The following PDE1A variants were observed in gnomAD, a reference collection of about 807,000 sequenced individuals.
The protein encoded by PDE1A is dual specificity calcium/calmodulin-dependent 3',5'-cyclic nucleotide phosphodiesterase 1A.
Under a neutral mutation model 61.7 loss-of-function variants are expected in PDE1A, and 35 were observed. The ratio of observed to expected loss-of-function variants is 0.57; its 90% CI spans 0.43 to 0.75. PDE1A has a LOEUF of 0.75. Ranked by LOEUF, PDE1A falls within the 30% of genes least tolerant of loss-of-function variation. The pLI is 0.00. For missense variants in PDE1A, 597 were observed against 630.6 expected (o/e 0.95, Z 0.57); for synonymous variants, 232 against 213.2 (o/e 1.09, Z -0.77).
chr2:182,603,062 T>C, the PDE1A span, among the ~76,000 whole-genome samples: 7 of 151,572 alleles, frequency 4.6e-5, no homozygotes, highest in African/African-American at 1.2e-4. Context: ...GAAGCTGATA[T>C]ACACTCTCTC....
the PDE1A span, among the ~76,000 whole-genome samples, chr2:182,633,824 C>A: frequency 1.3e-5 from 2 of 152,094 alleles, no homozygotes; most frequent in African/African-American, 4.8e-5. Context: ...TGGCTCATGA[C>A]AGTAATCCCA....
chr2:182,159,838 A>G (rs1331522645), intron 13 of PDE1A, among the ~76,000 whole-genome samples: 1 of 152,166 alleles, frequency 6.6e-6, no homozygotes, highest in African/African-American at 2.4e-5. Context: ...CTGTAGTCCT[A>G]GCTATTCAGG....
chr2:182,234,582 A>T, intron 3 of PDE1A, 84 bp from the exon 4 acceptor site: 1 of 867,292 alleles, frequency 1.2e-6, no homozygotes, highest in Non-Finnish European at 1.9e-6. Flanking sequence ...GGAAAAGATT[A>T]CTTTTGACAT....
At chr2:182,673,019 G>C in the PDE1A span, among the ~76,000 whole-genome samples, 1 of 152,260 alleles carries the variant, frequency 6.6e-6, no homozygotes, top group African/African-American at 2.4e-5. Context: ...CTCCAGGATT[G>C]ACTCTTAGAA....
chr2:182,460,064 A>G (rs1181975221), intron 2 of PDE1A, among the ~76,000 whole-genome samples: 1 of 152,126 alleles, frequency 6.6e-6, no homozygotes, highest in Admixed American at 6.6e-5. Context: ...CCATGGCCAC[A>G]ATTGATACTA....
At chr2:182,535,016 C>T in the PDE1A span, among the ~76,000 whole-genome samples, 2 of 151,740 alleles carry the variant, frequency 1.3e-5, no homozygotes, top group South Asian at 2.1e-4. Context: ...GGTCCAGAAC[C>T]ATTTACTAAA....
chr2:182,685,058 T>C, the PDE1A span, among the ~76,000 whole-genome samples: 746 of 150,214 alleles, frequency 5.0e-3, 9 homozygotes, highest in African/African-American at 0.018. Context: ...GTGGTTATTC[T>C]GAATATATAT....
intron 1 of PDE1A, among the ~76,000 whole-genome samples, chr2:182,267,869 G>A (rs923440759): frequency 1.6e-4 from 25 of 152,050 alleles, no homozygotes; most frequent in African/African-American, 5.5e-4. Context: ...AAAGTGTTAA[G>A]GCTTTATTGT....
At chr2:182,671,621 C>CT in the PDE1A span, among the ~76,000 whole-genome samples, 68,407 of 124,278 alleles carry the variant, frequency 0.55, 19,481 homozygotes, top group Middle Eastern at 0.63. Flanking sequence ...CTTTCTTTTT[C>CT]TTTTTTTTTT....
At chr2:182,396,584 G>T (rs561071406) in intron 1 of PDE1A, among the ~76,000 whole-genome samples, 1 of 152,194 alleles carries the variant, frequency 6.6e-6, no homozygotes, top group Non-Finnish European at 1.5e-5. Context: ...ATATACACTT[G>T]TACTAAGAAA....
At chr2:182,696,629 T>C in the PDE1A span, among the ~76,000 whole-genome samples, 1 of 152,144 alleles carries the variant, frequency 6.6e-6, no homozygotes, top group African/African-American at 2.4e-5. Context: ...TGGGTAGTAA[T>C]GATATGTCAA....
chr2:182,306,251 C>G (rs895416452), intron 1 of PDE1A, among the ~76,000 whole-genome samples: 2 of 152,032 alleles, frequency 1.3e-5, no homozygotes, highest in South Asian at 4.1e-4. Flanking sequence ...ACCATGTATA[C>G]GTACAATATT....
chr2:182,567,953 C>T, the PDE1A span, among the ~76,000 whole-genome samples: 7 of 151,636 alleles, frequency 4.6e-5, no homozygotes, highest in South Asian at 4.2e-4. Context: ...CCACCACGCC[C>T]GGCTAATTTT....
intron 2 of PDE1A, among the ~76,000 whole-genome samples, chr2:182,498,932 G>A (rs1023891718): frequency 1.3e-5 from 2 of 151,798 alleles, no homozygotes; most frequent in African/African-American, 4.8e-5. Flanking sequence ...GACAGAGCGA[G>A]ACTCCATCTC....
At chr2:182,380,363 C>A (rs1469721395) in intron 1 of PDE1A, among the ~76,000 whole-genome samples, 1 of 152,048 alleles carries the variant, frequency 6.6e-6, no homozygotes, top group Admixed American at 6.5e-5. Flanking sequence ...CCACCCGTCT[C>A]GGCCTCCCAA....
chr2:182,516,749 GAGAA>G (rs1310733753), intron 2 of PDE1A, among the ~76,000 whole-genome samples: 4 of 135,680 alleles, frequency 2.9e-5, no homozygotes, highest in East Asian at 4.4e-4. Context: ...AGGAAAAAGA[GAGAA>G]AGAAAGAAAA....
At position 182,324,039 on chromosome 2, in the gene PDE1A, G is replaced by C. The variant is rs551530622; in HGVS notation, c.54-59625C>G. ...CTTTAAGAACCATAGGAGAGTGAAA[G>C]ACAGACCCATAAATATAGGTGGTGC... On this transcript the variant is annotated intron_variant, in intron 1 of 13. Coordinates refer to ENST00000351439, the Ensembl canonical transcript of PDE1A. Among the ~76,000 whole-genome samples the C allele has an allele frequency of 3.3e-5, 5 of 152,224 alleles. No homozygotes were observed. In the South Asian group the frequency reaches 1.0e-3, roughly 32 times the overall value.
chr2:182,359,070 C>T (rs1304031665), intron 1 of PDE1A, among the ~76,000 whole-genome samples: 1 of 151,724 alleles, frequency 6.6e-6, no homozygotes, highest in East Asian at 1.9e-4. Context: ...TAATTCCTAA[C>T]ATGTAGCTGT....
chr2:182,635,456 A>C, the PDE1A span, among the ~76,000 whole-genome samples: 2 of 152,158 alleles, frequency 1.3e-5, no homozygotes, highest in Admixed American at 6.5e-5. Context: ...ATCTTTCAAA[A>C]TTAGTACATA....
Sources: allele counts gnomAD v4.1 joint callset (sites outside exome capture counted in the v4.1 genomes callset), GRCh38; gene constraint gnomAD v4.1.1; transcripts MANE v1.5; gene names NCBI Gene and HGNC (gene_info 2026-07-23, HGNC 2026-07-21).